Variants in EYA1 observed in about 807,000 individuals in gnomAD.
The protein encoded by EYA1 is protein phosphatase EYA1.
In EYA1, 16 loss-of-function variants were observed where a neutral mutation model predicts 82.0. The observed-to-expected ratio is 0.20, with a 90% CI of 0.13 to 0.30. The LOEUF is 0.30. Among genes scored for constraint, EYA1 ranks in the 10% least tolerant of loss-of-function variants. The probability of loss-of-function intolerance (pLI) is 1.00; values close to 1 mark genes in which losing one functional copy is unlikely to be tolerated. For synonymous variants in EYA1, 261 were observed against 264.4 expected (o/e 0.99, Z 0.12); for missense variants, 633 against 730.7 (o/e 0.87, Z 1.54).
chr8:71,366,595 C>T (rs1038617323), upstream of EYA1, among the ~76,000 whole-genome samples: 4 of 152,134 alleles, frequency 2.6e-5, no homozygotes, highest in African/African-American at 9.7e-5. Flanking sequence ...CAGCTGAGTT[C>T]ACAGTTTTTA....
intron 4 of EYA1, among the ~76,000 whole-genome samples, chr8:71,332,265 T>C (rs1304282079): frequency 6.6e-6 from 1 of 152,138 alleles, no homozygotes; most frequent in Non-Finnish European, 1.5e-5. Context: ...TAGCTTTAAC[T>C]CCCTGTATAC....
chr8:71,205,475 T>A (rs188884612), intron 17 of EYA1, among the ~76,000 whole-genome samples: 1 of 152,300 alleles, frequency 6.6e-6, no homozygotes, highest in African/African-American at 2.4e-5. Flanking sequence ...AAAGGAAGAC[T>A]TCCATAGGTA....
chr8:71,379,116 A>G (rs1563551727), intron 2 of EYA1, among the ~76,000 whole-genome samples: 1 of 152,104 alleles, frequency 6.6e-6, no homozygotes, highest in African/African-American at 2.4e-5. Flanking sequence ...GAAACCTGAC[A>G]AACTAAGTGG....
intron 2 of EYA1, among the ~76,000 whole-genome samples, chr8:71,492,793 C>T (rs1055740942): frequency 2.0e-5 from 3 of 152,060 alleles, no homozygotes; most frequent in African/African-American, 7.2e-5. Flanking sequence ...GTTCAGGGTA[C>T]ATGTGTAGGT....
chr8:71,200,147 G>A (rs1222751590), intron 17 of EYA1: 1 of 151,670 alleles, frequency 6.6e-6, no homozygotes, highest in Non-Finnish European at 1.5e-5. Context: ...ACTATAGTAA[G>A]TACTAATGCA....
intron 12 of EYA1, among the ~76,000 whole-genome samples, chr8:71,221,250 A>AAAAC (rs2128864929): frequency 6.6e-6 from 1 of 152,256 alleles, no homozygotes; most frequent in South Asian, 2.1e-4. Context: ...TGACAGGAAC[A>AAAAC]AAACAGCTTA....
chr8:71,224,678 T>C (rs1368207288), intron 12 of EYA1, among the ~76,000 whole-genome samples: 1 of 152,214 alleles, frequency 6.6e-6, no homozygotes, highest in African/African-American at 2.4e-5. Context: ...GTCAAGCCAT[T>C]AGCAGCACTT....
intron 3 of EYA1, among the ~76,000 whole-genome samples, chr8:71,335,469 A>G (rs1780729984): frequency 6.6e-6 from 1 of 152,214 alleles, no homozygotes; most frequent in Non-Finnish European, 1.5e-5. Context: ...TGGCTTCTAA[A>G]CAAGCTTTGG....
At chr8:71,310,161 G>A (rs1025663078) in intron 7 of EYA1, among the ~76,000 whole-genome samples, 15 of 152,190 alleles carry the variant, frequency 9.9e-5, no homozygotes, top group Non-Finnish European at 2.1e-4. Flanking sequence ...TGATGATTCT[G>A]TGATGTCTCC....
chr8:71,290,287 C>A (rs942663432), intron 9 of EYA1, among the ~76,000 whole-genome samples: 2 of 152,226 alleles, frequency 1.3e-5, no homozygotes, highest in African/African-American at 4.8e-5. Context: ...ACAACCATCT[C>A]CAATTAAAAA....
intron 2 of EYA1, among the ~76,000 whole-genome samples, chr8:71,424,475 A>G (rs1831311902): frequency 1.3e-5 from 2 of 152,240 alleles, no homozygotes; most frequent in African/African-American, 2.4e-5. Context: ...TATACATGGT[A>G]TATGATAATT....
chr8:71,364,615 G>A (rs1005183661), upstream of EYA1, among the ~76,000 whole-genome samples: 3 of 151,836 alleles, frequency 2.0e-5, no homozygotes, highest in Non-Finnish European at 2.9e-5. Flanking sequence ...AGAAATCATT[G>A]CTATTTCATA....
At chr8:71,216,612 G>A in intron 14 of EYA1, 80 bp downstream of exon 14, 1 of 1,397,940 alleles carries the variant, frequency 7.2e-7, no homozygotes, top group South Asian at 1.2e-5. Flanking sequence ...TCAAAGCAGT[G>A]TGACACAAAA....
At chr8:71,371,913 G>A (rs1828104816) in intron 2 of EYA1, among the ~76,000 whole-genome samples, 2 of 152,040 alleles carry the variant, frequency 1.3e-5, no homozygotes, top group Non-Finnish European at 2.9e-5. Context: ...TCCAAGAGAA[G>A]AGAGCAAGAA....
intron 2 of EYA1, among the ~76,000 whole-genome samples, chr8:71,395,167 C>G (rs1486372860): frequency 1.3e-5 from 2 of 152,204 alleles, no homozygotes; most frequent in Admixed American, 1.3e-4. Context: ...GCCGAAGTTG[C>G]TTATCAGCTT....
chr8:71,444,177 G>A (rs1168985607), intron 2 of EYA1, among the ~76,000 whole-genome samples: 2 of 152,208 alleles, frequency 1.3e-5, no homozygotes. Context: ...GGTGACCAGT[G>A]TACATAAAAT....
chr8:71,416,705 A>T (rs1232893702), intron 2 of EYA1, among the ~76,000 whole-genome samples: 3 of 152,124 alleles, frequency 2.0e-5, no homozygotes, highest in Admixed American at 2.0e-4. Flanking sequence ...GCATCATCTC[A>T]GAGTTGTTAG....
At chr8:71,472,788 G>GAGATATATATATATAT (rs71555582) in intron 2 of EYA1, among the ~76,000 whole-genome samples, 1 of 126,828 alleles carries the variant, frequency 7.9e-6, no homozygotes, top group East Asian at 3.5e-4. Context: ...TAGCTTTGAA[G>GAGATATATATATATAT]ATATATATAT....
intron 1 of EYA1, among the ~76,000 whole-genome samples, chr8:71,537,767 GTTTC>G (rs1814823937): frequency 6.6e-6 from 1 of 152,016 alleles, no homozygotes; most frequent in South Asian, 2.1e-4. Context: ...TTTTCCATGT[GTTTC>G]TTTCCCATAT....
Sources: allele counts gnomAD v4.1 joint callset (sites outside exome capture counted in the v4.1 genomes callset), GRCh38; gene constraint gnomAD v4.1.1; transcripts MANE v1.5; gene names NCBI Gene and HGNC (gene_info 2026-07-23, HGNC 2026-07-21).